The following RARB variants were observed in gnomAD, a reference collection of about 807,000 sequenced individuals.
RARB encodes the protein retinoic acid receptor beta.
Under a neutral mutation model 51.9 loss-of-function variants are expected in RARB, and 17 were observed. That is an observed-to-expected ratio of 0.33 (90% CI 0.22 to 0.49). The LOEUF is 0.49. RARB is among the 20% of genes least tolerant of loss of function. The probability of loss-of-function intolerance (pLI) is 0.99; values close to 1 mark genes in which losing one functional copy is unlikely to be tolerated. For missense variants in RARB, 369 were observed against 550.8 expected (o/e 0.67, Z 3.30); for synonymous variants, 215 against 195.4 (o/e 1.10, Z -0.84).
At chr3:25,297,257 A>G (rs1364627884) in intron 5 of RARB, among the ~76,000 whole-genome samples, 1 of 152,206 alleles carries the variant, frequency 6.6e-6, no homozygotes, top group Non-Finnish European at 1.5e-5. Context: ...TAAGGTCTAG[A>G]TATTTTACCA....
chr3:25,539,529 TCTC>T (rs1699282148), intron 3 of RARB, among the ~76,000 whole-genome samples: 2 of 118,966 alleles, frequency 1.7e-5, no homozygotes, highest in South Asian at 5.0e-4. Context: ...ACTCTCTCTC[TCTC>T]TTTTTTTTTT....
chr3:25,010,078 T>C (rs1376091405), intron 2 of RARB, among the ~76,000 whole-genome samples: 2 of 152,230 alleles, frequency 1.3e-5, no homozygotes, highest in Admixed American at 1.3e-4. Flanking sequence ...GTAAAGTTTT[T>C]CTTAGTGTAA....
intron 2 of RARB, among the ~76,000 whole-genome samples, chr3:25,015,979 T>C (rs180740484): frequency 6.6e-6 from 1 of 152,334 alleles, no homozygotes; most frequent in Admixed American, 6.5e-5. Context: ...GATAAAACAT[T>C]GTACAAAAAC....
chr3:25,128,095 C>T (rs1699890224), intron 3 of RARB, among the ~76,000 whole-genome samples: 1 of 152,066 alleles, frequency 6.6e-6, no homozygotes, highest in African/African-American at 2.4e-5. Context: ...ATAAAGTACT[C>T]TGGTTCACTG....
chr3:25,042,887 T>C (rs972685279), intron 2 of RARB, among the ~76,000 whole-genome samples: 1 of 152,208 alleles, frequency 6.6e-6, no homozygotes, highest in African/African-American at 2.4e-5. Flanking sequence ...GACAACCACT[T>C]TTCTACTCTC....
intron 1 of RARB, among the ~76,000 whole-genome samples, chr3:25,449,781 C>A (rs928449429): frequency 6.7e-6 from 1 of 149,182 alleles, no homozygotes; most frequent in African/African-American, 2.5e-5. Flanking sequence ...AGACGGAGTC[C>A]TGCTGTGTTG....
chr3:25,515,408 A>G (rs1018152411), intron 3 of RARB, among the ~76,000 whole-genome samples: 9 of 152,178 alleles, frequency 5.9e-5, no homozygotes, highest in African/African-American at 1.7e-4. Flanking sequence ...CTGAGTGGTT[A>G]TATTCCTGGG....
At chr3:25,326,387 T>C (rs554476778) in intron 5 of RARB, among the ~76,000 whole-genome samples, 41 of 152,240 alleles carry the variant, frequency 2.7e-4, no homozygotes, top group Middle Eastern at 6.8e-3. Flanking sequence ...GGAACAGAAA[T>C]TGAGTCATCC....
At chr3:25,377,631 A>G (rs1706503702) in intron 5 of RARB, among the ~76,000 whole-genome samples, 2 of 152,210 alleles carry the variant, frequency 1.3e-5, no homozygotes, top group South Asian at 4.1e-4. Context: ...ACTGGTTTAT[A>G]TAAGCATTTA....
At chr3:25,026,460 T>C (rs1160974463) in intron 2 of RARB, among the ~76,000 whole-genome samples, 2 of 152,186 alleles carry the variant, frequency 1.3e-5, no homozygotes, top group Non-Finnish European at 2.9e-5. Flanking sequence ...CTTCTTGCCA[T>C]GTGCTCACGT....
chr3:24,987,522 A>G (rs1374797629), intron 2 of RARB, among the ~76,000 whole-genome samples: 2 of 152,218 alleles, frequency 1.3e-5, no homozygotes, highest in African/African-American at 4.8e-5. Context: ...CTGATGCAAA[A>G]CTGTTATATT....
At chr3:25,156,033 G>C (rs546614228) in intron 4 of RARB, among the ~76,000 whole-genome samples, 2 of 152,166 alleles carry the variant, frequency 1.3e-5, no homozygotes, top group East Asian at 3.9e-4. Flanking sequence ...TTGATTTTTT[G>C]CCTGGCAATT....
chr3:25,505,515 G>A (rs544341260), intron 3 of RARB, among the ~76,000 whole-genome samples: 2 of 151,366 alleles, frequency 1.3e-5, no homozygotes, highest in Non-Finnish European at 2.9e-5. Flanking sequence ...CTTTAACGTG[G>A]CCTATCAGAA....
intron 5 of RARB, among the ~76,000 whole-genome samples, chr3:25,355,897 C>T (rs903568398): frequency 3.3e-5 from 5 of 151,556 alleles, no homozygotes; most frequent in South Asian, 2.1e-4. Context: ...TTATGGGATG[C>T]GTCTATAATG....
At chr3:25,337,481 T>C (rs1480217313) in intron 5 of RARB, among the ~76,000 whole-genome samples, 1 of 152,182 alleles carries the variant, frequency 6.6e-6, no homozygotes, top group Non-Finnish European at 1.5e-5. Flanking sequence ...CTTTCTACAT[T>C]TGCACCCTCA....
chr3:24,875,066 C>T (rs1703014967), intron 2 of RARB, among the ~76,000 whole-genome samples: 1 of 152,006 alleles, frequency 6.6e-6, no homozygotes, highest in Non-Finnish European at 1.5e-5. Flanking sequence ...TTATATGCTT[C>T]TGTTAAACAA....
chr3:24,855,251 C>G (rs189486176), intron 1 of RARB, among the ~76,000 whole-genome samples: 1 of 152,124 alleles, frequency 6.6e-6, no homozygotes, highest in African/African-American at 2.4e-5. Flanking sequence ...AGCAGTAAGT[C>G]AGATAAGAGG....
chr3:25,518,681 T>TGGC (rs1255177297), intron 3 of RARB, among the ~76,000 whole-genome samples: 3 of 152,198 alleles, frequency 2.0e-5, no homozygotes, highest in Non-Finnish European at 4.4e-5. Flanking sequence ...ATTCTATACT[T>TGGC]TAAAATAGTT....
At chr3:25,499,229 T>C (rs1298450579) in intron 2 of RARB, among the ~76,000 whole-genome samples, 1 of 152,218 alleles carries the variant, frequency 6.6e-6, no homozygotes, top group African/African-American at 2.4e-5. Flanking sequence ...CCTGCAGTGT[T>C]AATGTACTGC....
Sources: allele counts gnomAD v4.1 joint callset (sites outside exome capture counted in the v4.1 genomes callset), GRCh38; gene constraint gnomAD v4.1.1; transcripts MANE v1.5; gene names NCBI Gene and HGNC (gene_info 2026-07-23, HGNC 2026-07-21).